COL19A1: variants seen among roughly 807,000 people sequenced by gnomAD.
COL19A1 encodes collagen type XIX alpha 1 chain.
COL19A1 carries 159 observed loss-of-function variants against 190.2 expected under a neutral mutation model. The observed-to-expected ratio is 0.84, with a 90% CI of 0.73 to 0.95. The LOEUF is 0.95. Ranked by LOEUF, COL19A1 falls within the 40% of genes least tolerant of loss-of-function variation. The pLI is 0.00. For synonymous variants in COL19A1, 509 were observed against 458.9 expected, an observed-to-expected ratio of 1.11 and a Z score of -1.39; for missense variants, 1,418 against 1,431.9, an observed-to-expected ratio of 0.99 and a Z score of 0.16.
At chr6:70,140,106 A>C (rs1033640687) in intron 19 of COL19A1, among the ~76,000 whole-genome samples, 1 of 151,982 alleles carries the variant, frequency 6.6e-6, no homozygotes, top group Admixed American at 6.6e-5. Flanking sequence ...ATAGTTCATC[A>C]TGTTGGGTAG....
chr6:70,039,515 G>C (rs756158883), intron 14 of COL19A1, among the ~76,000 whole-genome samples: 7 of 152,148 alleles, frequency 4.6e-5, no homozygotes, highest in Non-Finnish European at 7.3e-5. Context: ...AGGACAACAA[G>C]CATTGACAAC....
chr6:69,872,293 A>G (rs1035379277), intron 1 of COL19A1, among the ~76,000 whole-genome samples: 3 of 152,076 alleles, frequency 2.0e-5, no homozygotes, highest in African/African-American at 4.8e-5. Context: ...TGATTGTTAC[A>G]TAGTGGAACC....
chr6:69,906,863 C>T (rs967443538), intron 4 of COL19A1, among the ~76,000 whole-genome samples: 3 of 152,028 alleles, frequency 2.0e-5, no homozygotes, highest in African/African-American at 7.2e-5. Context: ...GATTTACAAA[C>T]ATAATAATCT....
chr6:70,088,369 G>A (rs554438532), intron 15 of COL19A1, among the ~76,000 whole-genome samples: 6 of 151,974 alleles, frequency 3.9e-5, no homozygotes, highest in Admixed American at 6.6e-5. Context: ...ATGTACTAGT[G>A]GTCAGGTATC....
At chr6:70,021,050 T>G (rs1270432773) in intron 11 of COL19A1, among the ~76,000 whole-genome samples, 1 of 152,152 alleles carries the variant, frequency 6.6e-6, no homozygotes, top group Non-Finnish European at 1.5e-5. Flanking sequence ...ATATCCCTGG[T>G]TTGAGCACAT....
At chr6:70,168,380 T>A (rs1160660304) in intron 39 of COL19A1, among the ~76,000 whole-genome samples, 165 bp downstream of exon 39, 1 of 152,112 alleles carries the variant, frequency 6.6e-6, no homozygotes. Context: ...ATTGAGAAAA[T>A]GTATGCAGCC....
intron 11 of COL19A1, among the ~76,000 whole-genome samples, chr6:69,999,470 G>C (rs1441333757): frequency 6.6e-6 from 1 of 152,098 alleles, no homozygotes; most frequent in Non-Finnish European, 1.5e-5. Context: ...GGAGGTCAAG[G>C]CTGCAGTGAC....
At chr6:69,920,901 T>C (rs1294781301) in intron 4 of COL19A1, among the ~76,000 whole-genome samples, 3 of 139,956 alleles carry the variant, frequency 2.1e-5, no homozygotes, top group Non-Finnish European at 3.1e-5. Context: ...TAGTCATATA[T>C]ATATATTCAT....
chr6:70,100,496 A>C (rs1783561236), intron 15 of COL19A1, among the ~76,000 whole-genome samples: 1 of 151,886 alleles, frequency 6.6e-6, no homozygotes, highest in African/African-American at 2.4e-5. Flanking sequence ...AAGATAAGAG[A>C]AAACACTACT....
At chr6:70,150,969 T>G (rs1020740829) in intron 30 of COL19A1, among the ~76,000 whole-genome samples, 72 of 152,302 alleles carry the variant, frequency 4.7e-4, no homozygotes, top group African/African-American at 1.7e-3. Flanking sequence ...GAGAAATAAC[T>G]TTAAGGCAAA....
intron 14 of COL19A1, among the ~76,000 whole-genome samples, chr6:70,044,971 A>G (rs556596795): frequency 2.0e-5 from 3 of 152,200 alleles, no homozygotes; most frequent in South Asian, 4.1e-4. Flanking sequence ...CTTTTCATTC[A>G]TTATGAGCAT....
intron 2 of COL19A1, among the ~76,000 whole-genome samples, chr6:69,896,042 CCAAA>C (rs1215365957): frequency 4.6e-5 from 7 of 152,104 alleles, no homozygotes; most frequent in Non-Finnish European, 8.8e-5. Flanking sequence ...GTAAATACTG[CCAAA>C]CAGTTTTCTA....
chr6:69,969,043 A>G lies in COL19A1; in HGVS notation c.1026+6173A>G, dbSNP rs139799184. 2.0e-3 allele frequency among the ~76,000 whole-genome samples: 310 copies of G among 152,294 alleles called. 1 individual carries two copies. The highest frequency in any genetic ancestry group is 3.6e-3 in the Non-Finnish European group (246 of 68,016). ...CTTGGATATGTTCCTAGCTTTCTTT[A>G]TCATAGTTTCCTCTTTTATAAAATA... On this transcript the variant is annotated intron_variant, in intron 11 of 50. Transcript: ENST00000620364.
chr6:69,940,066 T>C (rs75377131), intron 9 of COL19A1, among the ~76,000 whole-genome samples: 3,478 of 148,954 alleles, frequency 0.023, 131 homozygotes, highest in African/African-American at 0.08. Flanking sequence ...AAAAATACCC[T>C]GCCCACTGAA....
chr6:69,926,303 G>C (rs948910882), intron 4 of COL19A1, among the ~76,000 whole-genome samples: 4 of 152,112 alleles, frequency 2.6e-5, no homozygotes, highest in Admixed American at 1.3e-4. Flanking sequence ...AATAGAAACT[G>C]TTTCTGAGGA....
At chr6:70,059,845 A>C (rs748953670) in intron 14 of COL19A1, 4 of 499,548 alleles carry the variant, frequency 8.0e-6, no homozygotes, top group Non-Finnish European at 1.6e-5. Context: ...CTCAATTTAC[A>C]GTTATTTTTA....
At chr6:69,939,349 G>A (rs1259262796) in intron 9 of COL19A1, among the ~76,000 whole-genome samples, 1 of 152,038 alleles carries the variant, frequency 6.6e-6, no homozygotes, top group Non-Finnish European at 1.5e-5. Flanking sequence ...CAGACACTGA[G>A]AAGAATGTTT....
At chr6:69,873,392 G>A (rs1000614344) in intron 1 of COL19A1, among the ~76,000 whole-genome samples, 4 of 152,272 alleles carry the variant, frequency 2.6e-5, no homozygotes, top group East Asian at 3.9e-4. Context: ...CAGGCATTAT[G>A]GACACAACTT....
rs780051284 is a variant in COL19A1, at chr6:70,040,185, C to A, written c.1170+4246C>A. Among the ~76,000 whole-genome samples, 129 of 152,144 alleles carry A rather than the reference C, an allele frequency of 8.5e-4. 1 individual carries two copies. The highest frequency in any genetic ancestry group is 1.3e-3 in the Non-Finnish European group (85 of 67,982). ...AAAAAAATCTGATATGTAAAACCAT[C>A]TATTTCATTAAATGTTACTTTTGTT... On this transcript the variant is annotated intron_variant, in intron 14 of 50. Coordinates refer to ENST00000620364, the MANE Select transcript of COL19A1 (RefSeq NM_001858.6).
Sources: allele counts gnomAD v4.1 joint callset (sites outside exome capture counted in the v4.1 genomes callset), GRCh38; gene constraint gnomAD v4.1.1; transcripts MANE v1.5; gene names NCBI Gene and HGNC (gene_info 2026-07-23, HGNC 2026-07-21).